Variants in RARB observed in about 807,000 individuals in gnomAD.
The protein encoded by RARB is HBV-activated protein.
In RARB, 17 loss-of-function variants were observed where a neutral mutation model predicts 51.9. The ratio of observed to expected loss-of-function variants is 0.33; its 90% CI spans 0.22 to 0.49. The LOEUF is 0.49. Among genes scored for constraint, RARB ranks in the 20% least tolerant of loss-of-function variants. The pLI is 0.99. For missense variants in RARB, 369 were observed against 550.8 expected (o/e 0.67, Z 3.30); for synonymous variants, 215 against 195.4 (o/e 1.10, Z -0.84).
intron 2 of RARB, among the ~76,000 whole-genome samples, chr3:25,007,600 A>AAAAAAAAAAAAAAAAAAAAAAC (rs1342393781): frequency 7.0e-6 from 1 of 143,260 alleles, no homozygotes; most frequent in African/African-American, 2.7e-5. Flanking sequence ...CTCAAAAAAA[A>AAAAAAAAAAAAAAAAAAAAAAC]AAAACAAAAA....
intron 3 of RARB, among the ~76,000 whole-genome samples, chr3:25,508,301 C>T (rs1004554778): frequency 2.0e-5 from 3 of 152,112 alleles, no homozygotes; most frequent in African/African-American, 4.8e-5. Context: ...CCCCATGGGT[C>T]GATTGGATGG....
chr3:24,860,002 A>C (rs912531032), intron 2 of RARB, among the ~76,000 whole-genome samples: 1 of 152,230 alleles, frequency 6.6e-6, no homozygotes, highest in African/African-American at 2.4e-5. Context: ...GATTTGGTCT[A>C]CAGTTTGTAG....
chr3:25,044,986 A>AT (rs555566799), intron 2 of RARB, among the ~76,000 whole-genome samples: 3 of 152,102 alleles, frequency 2.0e-5, no homozygotes, highest in African/African-American at 4.8e-5. Context: ...TCCTCCCGGC[A>AT]TTTTTTTGTT....
rs1294224477 is a variant in RARB, at chr3:24,907,678, A to G, written c.-380+48926A>G. Among the ~76,000 whole-genome samples, 4 of 152,174 alleles carry G rather than the reference A, an allele frequency of 2.6e-5. No individual in the cohort carries two copies. In the South Asian group the frequency reaches 6.2e-4, roughly 24 times the overall value. On this transcript the variant is annotated intron_variant, in intron 2 of 11. Coordinates refer to the RARB transcript ENST00000383772. ...AATTTGCTTCTCTTCTGAATGAACA[A>G]TCTTTGAACACTTTTACCCAAAGTG...
intron 2 of RARB, among the ~76,000 whole-genome samples, chr3:24,964,355 CT>C (rs1002235326): frequency 2.0e-5 from 3 of 152,058 alleles, no homozygotes; most frequent in African/African-American, 2.4e-5. Context: ...GAAATATCCT[CT>C]TTTTTTTCTG....
intron 2 of RARB, among the ~76,000 whole-genome samples, chr3:24,926,471 G>A (rs1003769562): frequency 7.9e-5 from 12 of 152,056 alleles, no homozygotes; most frequent in Admixed American, 1.3e-4. Flanking sequence ...CATCTGAGTT[G>A]AGAAGTGGAA....
chr3:24,877,093 T>C (rs1183171023), intron 2 of RARB, among the ~76,000 whole-genome samples: 1 of 152,102 alleles, frequency 6.6e-6, no homozygotes, highest in Admixed American at 6.6e-5. Context: ...TGCCCCAAGT[T>C]GGAAGATTAT....
chr3:25,245,963 C>T (rs1385057455), intron 5 of RARB, among the ~76,000 whole-genome samples: 6 of 152,118 alleles, frequency 3.9e-5, no homozygotes, highest in South Asian at 2.1e-4. Flanking sequence ...ACCAATCAAA[C>T]GTGGGTTTGG....
At chr3:25,104,973 G>A (rs995653536) in intron 3 of RARB, among the ~76,000 whole-genome samples, 1 of 152,006 alleles carries the variant, frequency 6.6e-6, no homozygotes, top group African/African-American at 2.4e-5. Flanking sequence ...TCTGAATGAG[G>A]GTCACGAGTG....
chr3:24,874,337 C>T (rs897270406), intron 2 of RARB, among the ~76,000 whole-genome samples: 1 of 151,652 alleles, frequency 6.6e-6, no homozygotes, highest in Non-Finnish European at 1.5e-5. Context: ...TTAAATCAAC[C>T]CTATTAATTT....
At chr3:25,527,203 G>C (rs903538468) in intron 3 of RARB, among the ~76,000 whole-genome samples, 2 of 152,174 alleles carry the variant, frequency 1.3e-5, no homozygotes, top group African/African-American at 4.8e-5. Flanking sequence ...CTGGTCCTCA[G>C]GTCCTTCTTT....
intron 3 of RARB, among the ~76,000 whole-genome samples, chr3:25,547,044 A>G (rs577203789): frequency 6.6e-6 from 1 of 152,296 alleles, no homozygotes; most frequent in Admixed American, 6.5e-5. Flanking sequence ...CCCAAATCAG[A>G]TAAGCTTAGC....
chr3:25,396,894 A>G (rs1707130643), intron 5 of RARB, among the ~76,000 whole-genome samples: 1 of 152,128 alleles, frequency 6.6e-6, no homozygotes, highest in Non-Finnish European at 1.5e-5. Context: ...CCCCACCAAC[A>G]GCACCCAGTG....
intron 2 of RARB, among the ~76,000 whole-genome samples, chr3:25,471,116 C>T (rs180728288): frequency 2.0e-5 from 3 of 152,180 alleles, no homozygotes; most frequent in African/African-American, 7.2e-5. Context: ...TTACATAGGG[C>T]TTGGGATGAT....
chr3:24,894,987 G>C (rs984623297), intron 2 of RARB, among the ~76,000 whole-genome samples: 27 of 152,308 alleles, frequency 1.8e-4, no homozygotes, highest in African/African-American at 6.5e-4. Context: ...CTTTGCTTTA[G>C]CCAGGGAGAT....
chr3:25,134,382 C>T (rs368260879), intron 4 of RARB, among the ~76,000 whole-genome samples: 2 of 151,864 alleles, frequency 1.3e-5, no homozygotes, highest in Non-Finnish European at 2.9e-5. Context: ...CTAGGTTTTG[C>T]TGTTTATTAG....
intron 2 of RARB, among the ~76,000 whole-genome samples, chr3:24,869,552 G>T (rs909957983): frequency 3.9e-5 from 6 of 152,136 alleles, no homozygotes; most frequent in African/African-American, 1.4e-4. Flanking sequence ...ATATACATAT[G>T]AATTATTCCC....
At position 25,102,513 on chromosome 3, in the gene RARB, C is replaced by G. The variant is rs536154275; in HGVS notation, c.-327-29648C>G. Among the ~76,000 whole-genome samples, 5 of 151,744 alleles carry G rather than the reference C, an allele frequency of 3.3e-5. No homozygotes were observed. In the South Asian group the frequency reaches 1.0e-3, roughly 32 times the overall value. ...CAAGATCGTGCCATTGCACTCCAGC[C>G]TGGACGACAGAATAAGACTCTGTCT... is the stretch of plus-strand genomic sequence containing the variant. On this transcript the variant is annotated intron_variant, in intron 3 of 11. Transcript: ENST00000383772.
intron 2 of RARB, among the ~76,000 whole-genome samples, chr3:25,017,618 G>C (rs1027061604): frequency 4.6e-5 from 7 of 152,132 alleles, no homozygotes; most frequent in Non-Finnish European, 8.8e-5. Context: ...AGGAGATAAG[G>C]TGGAAACAGG....
Sources: gnomAD v4.1 joint callset for allele counts (sites outside exome capture counted in the v4.1 genomes callset) on GRCh38, gnomAD v4.1.1 for gene constraint, MANE v1.5 for transcripts, NCBI Gene and HGNC (gene_info 2026-07-23, HGNC 2026-07-21) for gene names.